Variants in PPM1L observed in about 807,000 individuals in gnomAD.
The protein encoded by PPM1L is protein phosphatase 1L.
Under a neutral mutation model 31.4 loss-of-function variants are expected in PPM1L, and 13 were observed. The observed-to-expected ratio is 0.41, with a 90% CI of 0.27 to 0.66. The LOEUF is 0.66. Ranked by LOEUF, PPM1L falls within the 30% of genes least tolerant of loss-of-function variation. The probability of loss-of-function intolerance (pLI) is 0.29; values close to 1 mark genes in which losing one functional copy is unlikely to be tolerated. For synonymous variants in PPM1L, 184 were observed against 175.4 expected (o/e 1.05, Z -0.39); for missense variants, 326 against 453.7 (o/e 0.72, Z 2.56).
chr3:160,970,684 C>G (rs1358930470), intron 2 of PPM1L, among the ~76,000 whole-genome samples: 2 of 151,800 alleles, frequency 1.3e-5, no homozygotes, highest in Admixed American at 6.6e-5. Context: ...TCTCAAAGTC[C>G]TGACCTCAAG....
intron 1 of PPM1L, among the ~76,000 whole-genome samples, chr3:160,897,526 G>A (rs1232481354): frequency 6.6e-6 from 1 of 152,174 alleles, no homozygotes; most frequent in African/African-American, 2.4e-5. Flanking sequence ...GTGGAATACC[G>A]CAAAGAGACC....
At chr3:160,783,076 C>G (rs193174629) in intron 1 of PPM1L, among the ~76,000 whole-genome samples, 6 of 152,260 alleles carry the variant, frequency 3.9e-5, no homozygotes, top group Admixed American at 3.3e-4. Context: ...TACTTCAAGA[C>G]CTGGAACTGT....
At chr3:160,897,924 G>A (rs1713403541) in intron 1 of PPM1L, among the ~76,000 whole-genome samples, 1 of 152,106 alleles carries the variant, frequency 6.6e-6, no homozygotes, top group Admixed American at 6.6e-5. Context: ...TTACAACTCT[G>A]TAATTTAACA....
chr3:160,930,386 T>C lies in PPM1L; in HGVS notation c.400-31350T>C, dbSNP rs542321311. ...AGAGAGAATAAAATGTGGTTGTACT[T>C]CTTGAAGAAGAAAACACTTGCAAGA... is the stretch of plus-strand genomic sequence containing the variant. On this transcript the variant is annotated intron_variant, in intron 1 of 3. Coordinates refer to ENST00000498165, the MANE Select transcript of PPM1L (RefSeq NM_139245.4). Among the ~76,000 whole-genome samples the C allele has an allele frequency of 6.6e-5, 10 of 152,330 alleles. No homozygotes were observed. In the South Asian group the frequency reaches 2.1e-3, roughly 32 times the overall value.
chr3:160,986,080 C>T (rs1011578397), intron 2 of PPM1L, among the ~76,000 whole-genome samples: 1 of 152,096 alleles, frequency 6.6e-6, no homozygotes, highest in Non-Finnish European at 1.5e-5. Flanking sequence ...TTTATAAAAA[C>T]CTGCCTAGCA....
intron 1 of PPM1L, among the ~76,000 whole-genome samples, chr3:160,915,137 A>T (rs527290645): frequency 7.2e-5 from 11 of 152,208 alleles, no homozygotes; most frequent in Non-Finnish European, 1.5e-4. Context: ...TGCAGGTGAT[A>T]TGATTGTATA....
In PPM1L at chr3:160,862,550, A is replaced by G. The variant is rs556674077; in HGVS notation, c.400-99186A>G. 9.9e-4 allele frequency among the ~76,000 whole-genome samples: 151 copies of G among 152,192 alleles called. 1 individual carries two copies. The highest frequency in any genetic ancestry group is 3.4e-3 in the African/African-American group (143 of 41,530). ...GAATTGCTTATAGCAGAGAGTTAAC[A>G]TTCATATGGGAAATTTTGAGCAACC... On this transcript the variant is annotated intron_variant, in intron 1 of 3. Coordinates refer to ENST00000498165, the MANE Select transcript of PPM1L (RefSeq NM_139245.4).
chr3:160,927,652 G>A (rs116453327), intron 1 of PPM1L, among the ~76,000 whole-genome samples: 2,508 of 152,182 alleles, frequency 0.016, 44 homozygotes, highest in Non-Finnish European at 0.021. Flanking sequence ...GCGCGCGCAT[G>A]CACGTAAATG....
At position 161,068,798 on chromosome 3, in the gene PPM1L, C is replaced by G; in HGVS notation, c.737-13C>G. 6.3e-7 allele frequency: 1 copy of G among 1,596,572 alleles called. No individual in the cohort carries two copies. The highest frequency in any genetic ancestry group is 8.5e-7 in the Non-Finnish European group (1 of 1,170,910). ...CAGCTGGTCAAACTAATGGGCTCAT[C>G]CTGTCTTTCTAGGTGGTTTCATCAG... On this transcript the variant is annotated splice_polypyrimidine_tract_variant and intron_variant, in intron 3 of 3. Transcript: ENST00000498165.
At chr3:160,901,434 A>G (rs144975227) in intron 1 of PPM1L, among the ~76,000 whole-genome samples, 134 of 152,254 alleles carry the variant, frequency 8.8e-4, no homozygotes, top group African/African-American at 3.2e-3. Context: ...ATAAGGGTCT[A>G]CAGGATCTGC....
intron 2 of PPM1L, among the ~76,000 whole-genome samples, chr3:161,006,849 A>AT (rs1717728447): frequency 6.6e-6 from 1 of 151,832 alleles, no homozygotes. Context: ...CGCCCAGCTA[A>AT]TTTTTTGTAG....
chr3:161,049,372 G>A (rs1252965939), intron 2 of PPM1L, among the ~76,000 whole-genome samples: 1 of 152,144 alleles, frequency 6.6e-6, no homozygotes, highest in South Asian at 2.1e-4. Flanking sequence ...TAAAGGAAAT[G>A]CTCATTCGAG....
At chr3:160,807,628 G>A (rs930719507) in intron 1 of PPM1L, among the ~76,000 whole-genome samples, 1 of 152,180 alleles carries the variant, frequency 6.6e-6, no homozygotes, top group African/African-American at 2.4e-5. Flanking sequence ...CTATCACTTA[G>A]TGAAAGCTGT....
At chr3:161,022,132 ATTTTT>A in intron 2 of PPM1L, 3 of 614,220 alleles carry the variant, frequency 4.9e-6, no homozygotes, top group African/African-American at 2.0e-5. Flanking sequence ...TTTTAATTCC[ATTTTT>A]TTTTTTTTTA....
chr3:160,966,202 A>G (rs1163000094), intron 2 of PPM1L, among the ~76,000 whole-genome samples: 1 of 152,074 alleles, frequency 6.6e-6, no homozygotes, highest in Non-Finnish European at 1.5e-5. Context: ...TTTTTATTTT[A>G]TATAGTTCTG....
intron 1 of PPM1L, among the ~76,000 whole-genome samples, chr3:160,835,869 T>C (rs1418750086): frequency 6.6e-6 from 1 of 152,072 alleles, no homozygotes; most frequent in Non-Finnish European, 1.5e-5. Flanking sequence ...CAAATATTCA[T>C]TTAGTTTGGA....
intron 2 of PPM1L, among the ~76,000 whole-genome samples, chr3:160,990,813 A>G (rs947319066): frequency 2.0e-5 from 3 of 152,226 alleles, no homozygotes; most frequent in Admixed American, 1.3e-4. Context: ...TGCAAGTTGT[A>G]TGGGATGTGA....
intron 1 of PPM1L, among the ~76,000 whole-genome samples, chr3:160,801,810 G>T (rs1463286119): frequency 2.6e-5 from 4 of 152,090 alleles, no homozygotes; most frequent in Admixed American, 1.3e-4. Context: ...GAGGTTTGGG[G>T]TTTATATTAT....
intron 2 of PPM1L, among the ~76,000 whole-genome samples, chr3:161,059,813 T>A (rs1389654857): frequency 6.6e-6 from 1 of 151,988 alleles, no homozygotes; most frequent in African/African-American, 2.4e-5. Context: ...GAGATCTGGT[T>A]GTTTAAAAGT....
Sources: allele counts gnomAD v4.1 joint callset (sites outside exome capture counted in the v4.1 genomes callset), GRCh38; gene constraint gnomAD v4.1.1; transcripts MANE v1.5; gene names NCBI Gene and HGNC (gene_info 2026-07-23, HGNC 2026-07-21).